Variants in TMC1 observed in about 807,000 individuals in gnomAD.
The protein encoded by TMC1 is transmembrane channel-like protein 1.
A neutral mutation model predicts 105.8 loss-of-function variants in TMC1; 84 were observed. That is an observed-to-expected ratio of 0.79 (90% CI 0.67 to 0.95). TMC1 has a LOEUF of 0.95. TMC1 is among the 40% of genes least tolerant of loss of function. The probability of loss-of-function intolerance (pLI) is 0.00; values close to 1 mark genes in which losing one functional copy is unlikely to be tolerated. For missense variants in TMC1, 817 were observed against 914.1 expected (o/e 0.89, Z 1.37); for synonymous variants, 315 against 311.5 (o/e 1.01, Z -0.12).
At chr9:72,583,518 A>G (rs1264543237) in intron 2 of TMC1, among the ~76,000 whole-genome samples, 1 of 152,226 alleles carries the variant, frequency 6.6e-6, no homozygotes, top group Non-Finnish European at 1.5e-5. Flanking sequence ...CTGAGACTCA[A>G]TTGTTTGCTG....
intron 5 of TMC1, among the ~76,000 whole-genome samples, chr9:72,685,025 C>T (rs1826352275): frequency 6.6e-6 from 1 of 151,492 alleles, no homozygotes; most frequent in Admixed American, 6.6e-5. Context: ...CTAAATAATA[C>T]ATTGCTGTTG....
At chr9:72,697,136 C>T (rs984887457) in intron 7 of TMC1, among the ~76,000 whole-genome samples, 1 of 152,098 alleles carries the variant, frequency 6.6e-6, no homozygotes, top group Non-Finnish European at 1.5e-5. Context: ...AACGTCTTTC[C>T]ATACCATAAT....
intron 1 of TMC1, among the ~76,000 whole-genome samples, chr9:72,572,470 T>G (rs185928261): frequency 6.1e-4 from 93 of 152,304 alleles, no homozygotes; most frequent in African/African-American, 2.2e-3. Context: ...TCTTTATTTT[T>G]TAGATATTGT....
intron 19 of TMC1, among the ~76,000 whole-genome samples, chr9:72,818,204 G>A (rs904578302): frequency 2.0e-5 from 3 of 152,130 alleles, no homozygotes; most frequent in African/African-American, 7.2e-5. Flanking sequence ...AATTAAAAAT[G>A]TACGGGGATG....
chr9:72,617,517 G>A (rs10156444), intron 3 of TMC1, among the ~76,000 whole-genome samples: 40,213 of 151,906 alleles, frequency 0.26, 5,646 homozygotes, highest in African/African-American at 0.32. Context: ...GATGGCAGCC[G>A]CAAGTTGTAA....
intron 6 of TMC1, among the ~76,000 whole-genome samples, chr9:72,693,781 A>G (rs1826506224): frequency 6.6e-6 from 1 of 151,994 alleles, no homozygotes; most frequent in Non-Finnish European, 1.5e-5. Context: ...AATTTATCTT[A>G]ATTATCTCTC....
intron 18 of TMC1, among the ~76,000 whole-genome samples, chr9:72,806,991 C>T (rs139377404): frequency 9.8e-5 from 15 of 152,326 alleles, no homozygotes; most frequent in African/African-American, 3.1e-4. Flanking sequence ...ACTGAGTGAA[C>T]GAGACTCCGT....
chr9:72,830,536 T>C lies in TMC1; in HGVS notation c.2208+7T>C, dbSNP rs1166112451. 6.2e-6 allele frequency: 10 copies of C among 1,610,792 alleles called. No individual in the cohort carries two copies. The East Asian group carries it at 2.0e-4, about 32-fold the overall frequency. ...CAAAAAGAAGATGAAAATGGTATGA[T>C]ACAATTTATTTCATAGAAATATTAT... On this transcript the variant is annotated splice_region_variant and intron_variant, in intron 22 of 23. Transcript: ENST00000297784.
At chr9:72,686,057 C>G (rs1205468206) in intron 5 of TMC1, among the ~76,000 whole-genome samples, 2 of 152,208 alleles carry the variant, frequency 1.3e-5, no homozygotes, top group African/African-American at 4.8e-5. Flanking sequence ...TTTTTAATTA[C>G]TGAGTCTATC....
chr9:72,545,432 T>C (rs550285676), intron 1 of TMC1, among the ~76,000 whole-genome samples: 1 of 152,326 alleles, frequency 6.6e-6, no homozygotes, highest in South Asian at 2.1e-4. Context: ...GGTCAATGAT[T>C]TCATTAAAAC....
intron 2 of TMC1, among the ~76,000 whole-genome samples, chr9:72,593,689 G>A (rs1251703180): frequency 6.7e-6 from 1 of 150,330 alleles, no homozygotes; most frequent in Non-Finnish European, 1.5e-5. Context: ...CCCGTGCCCA[G>A]CCCCAAGACC....
intron 5 of TMC1, among the ~76,000 whole-genome samples, chr9:72,677,215 T>C (rs763805766): frequency 2.6e-5 from 4 of 151,824 alleles, no homozygotes; most frequent in Admixed American, 6.6e-5. Flanking sequence ...GGCCAAAGGC[T>C]TGAGAACCCG....
chr9:72,815,280 G>T (rs1185940045), intron 18 of TMC1, among the ~76,000 whole-genome samples: 2 of 151,976 alleles, frequency 1.3e-5, no homozygotes, highest in Non-Finnish European at 1.5e-5. Flanking sequence ...CATTCTATTG[G>T]TTTTTTGTGG....
chr9:72,723,749 A>G (rs1827071227), intron 8 of TMC1, among the ~76,000 whole-genome samples: 1 of 152,192 alleles, frequency 6.6e-6, no homozygotes, highest in Admixed American at 6.5e-5. Flanking sequence ...TGTAAAACAC[A>G]GGCTAAATAT....
intron 2 of TMC1, among the ~76,000 whole-genome samples, chr9:72,604,791 A>G (rs916296057): frequency 6.6e-6 from 1 of 152,334 alleles, no homozygotes; most frequent in East Asian, 1.9e-4. Flanking sequence ...AAGAACCTCA[A>G]CTGAGTTTTG....
chr9:72,734,880 A>G (rs1306602828), intron 8 of TMC1, among the ~76,000 whole-genome samples: 1 of 152,212 alleles, frequency 6.6e-6, no homozygotes, highest in Non-Finnish European at 1.5e-5. Context: ...AAAGGGGAAC[A>G]TGTTTCCTGG....
At chr9:72,753,286 CTTTTTT>C (rs5898269) in intron 11 of TMC1, among the ~76,000 whole-genome samples, 1 of 81,828 alleles carries the variant, frequency 1.2e-5, no homozygotes, top group Non-Finnish European at 2.2e-5. Context: ...TTAACCCCAG[CTTTTTT>C]TTTTTTTTTT....
intron 12 of TMC1, among the ~76,000 whole-genome samples, chr9:72,768,584 A>G (rs1184388969): frequency 6.6e-6 from 1 of 152,196 alleles, no homozygotes; most frequent in African/African-American, 2.4e-5. Context: ...TTTGTGAACT[A>G]ATCATGACTC....
intron 8 of TMC1, among the ~76,000 whole-genome samples, chr9:72,723,825 T>C (rs1827072442): frequency 1.3e-5 from 2 of 152,228 alleles, no homozygotes; most frequent in African/African-American, 2.4e-5. Context: ...TTCTTAGTTA[T>C]GCATGTACCA....
Sources: allele counts gnomAD v4.1 joint callset (sites outside exome capture counted in the v4.1 genomes callset), GRCh38; gene constraint gnomAD v4.1.1; transcripts MANE v1.5; gene names NCBI Gene and HGNC (gene_info 2026-07-23, HGNC 2026-07-21).